ZNF248: variants seen among roughly 807,000 people sequenced by gnomAD.
The protein encoded by ZNF248 is zinc finger protein 248.
ZNF248 carries 20 observed loss-of-function variants against 44.3 expected under a neutral mutation model. The ratio of observed to expected loss-of-function variants is 0.45; its 90% CI spans 0.32 to 0.66. The LOEUF (loss-of-function observed/expected upper bound fraction) is 0.66. Ranked by LOEUF, ZNF248 falls within the 30% of genes least tolerant of loss-of-function variation. The pLI is 0.04. For synonymous variants in ZNF248, 224 were observed against 229.0 expected, an observed-to-expected ratio of 0.98 and a Z score of 0.20; for missense variants, 654 against 677.0, an observed-to-expected ratio of 0.97 and a Z score of 0.38.
At chr10:37,787,888 T>C (rs1208777) in intron 6 of ZNF248, among the ~76,000 whole-genome samples, 9,138 of 152,258 alleles carry the variant, frequency 0.06, 354 homozygotes, top group Middle Eastern at 0.095. Flanking sequence ...AAAGATAACA[T>C]TGAGACAATG....
chr10:37,843,812 C>A (rs771217859), intron 3 of ZNF248, among the ~76,000 whole-genome samples: 12 of 151,848 alleles, frequency 7.9e-5, no homozygotes, highest in Non-Finnish European at 1.2e-4. Flanking sequence ...GAACAGACAG[C>A]TGAAAGAATC....
chr10:37,774,844 A>C (rs770513504), downstream of ZNF248, among the ~76,000 whole-genome samples: 6 of 152,126 alleles, frequency 3.9e-5, no homozygotes, highest in Non-Finnish European at 7.4e-5. Flanking sequence ...GCAGTGGCAC[A>C]ATCTCAGCTC....
At chr10:37,853,352 A>G (rs1424873894) in intron 3 of ZNF248, among the ~76,000 whole-genome samples, 2 of 152,094 alleles carry the variant, frequency 1.3e-5, no homozygotes, top group Non-Finnish European at 2.9e-5. Flanking sequence ...GACAAAAACA[A>G]CAACAATCCA....
chr10:37,856,357 G>C lies in ZNF248; in HGVS notation c.-27-20C>G. Reference sequence around the variant, plus strand: ...GGAGAGCTGAAGGATTAGAAAGGAAGAATGTCAGGAGAGCCTTCGCCGGCC... The same window carrying C: ...GGAGAGCTGAAGGATTAGAAAGGAACAATGTCAGGAGAGCCTTCGCCGGCC... On this transcript the variant is annotated intron_variant, in intron 2 of 5. Transcript: ENST00000395867. 6.2e-7 allele frequency: 1 copy of C among 1,612,928 alleles called. No homozygotes were observed. The highest frequency in any genetic ancestry group is 1.7e-5 in the Admixed American group (1 of 59,770).
At chr10:37,826,341 C>T (rs541350743), downstream of ZNF248, among the ~76,000 whole-genome samples, 103 of 152,264 alleles carry the variant, frequency 6.8e-4, 1 homozygote, top group African/African-American at 1.5e-3. Context: ...AGAGTGTAAC[C>T]GTATGACTTC....
chr10:37,767,839 TAA>T, the ZNF248 span, among the ~76,000 whole-genome samples: 1 of 152,002 alleles, frequency 6.6e-6, no homozygotes, highest in Non-Finnish European at 1.5e-5. Flanking sequence ...GCAAATTGGA[TAA>T]AGAGTCAAGA....
At chr10:37,768,807 C>A in the ZNF248 span, among the ~76,000 whole-genome samples, 10 of 152,062 alleles carry the variant, frequency 6.6e-5, no homozygotes, top group African/African-American at 2.2e-4. Context: ...CATAAAAAAC[C>A]CTTCAAAAAA....
At chr10:37,851,065 A>G (rs1412715903) in intron 3 of ZNF248, among the ~76,000 whole-genome samples, 5 of 152,204 alleles carry the variant, frequency 3.3e-5, no homozygotes, top group African/African-American at 9.6e-5. Flanking sequence ...TACTATCTAG[A>G]AAATTTAAAA....
intron 6 of ZNF248, among the ~76,000 whole-genome samples, chr10:37,790,708 CTAAATAAATAAA>C (rs149151524): frequency 1.4e-5 from 2 of 147,592 alleles, no homozygotes; most frequent in Non-Finnish European, 3.0e-5. Context: ...GGCTCCGTCT[CTAAATAAATAAA>C]TAAATAAATA....
intron 6 of ZNF248, among the ~76,000 whole-genome samples, chr10:37,807,756 T>C (rs992043498): frequency 1.3e-5 from 2 of 152,226 alleles, no homozygotes; most frequent in Admixed American, 1.3e-4. Flanking sequence ...TGTATTCTGC[T>C]CCTTTGCTGA....
the ZNF248 span, among the ~76,000 whole-genome samples, chr10:37,770,279 A>C: frequency 6.6e-6 from 1 of 151,912 alleles, no homozygotes; most frequent in African/African-American, 2.4e-5. Context: ...ACTACTTTAA[A>C]GTTCATATGG....
Position 37,831,431 on chromosome 10 carries a change from T to A in ZNF248, c.*184A>T. 6.7e-7 allele frequency: 1 copy of A among 1,491,548 alleles called. No homozygotes were observed. Among genetic ancestry groups the A allele is most frequent in the Non-Finnish European group, 8.9e-7 (1 of 1,121,930 alleles). 92.4% of individuals were successfully genotyped at this position (1,491,548 alleles called of 1,614,324 possible). ...CAGATAAATATTTTCACCATATTAC[T>A]TAGATGAATAGAATTCCCCTCAGTA... On this transcript the variant is annotated 3_prime_UTR_variant, in exon 6 of 6. Transcript: ENST00000395867.
Position 37,856,434 on chromosome 10 carries a change from CGT to C in ZNF248, c.-29_-28del. On this transcript the variant is annotated splice_region_variant and 5_prime_UTR_variant, in exon 2 of 6. Coordinates refer to ENST00000395867, the MANE Select transcript of ZNF248 (RefSeq NM_021045.3). ...TACAGGTCCACACACAAGATACTTACGTGTCCATGTGTGGCTCCGATATATGC... is the reference window on the plus strand; with the variant it reads ...TACAGGTCCACACACAAGATACTTACGTCCATGTGTGGCTCCGATATATGC... The C allele has an allele frequency of 6.7e-7, 1 of 1,493,878 alleles. No homozygotes were observed. The highest frequency in any genetic ancestry group is 1.4e-5 in the South Asian group (1 of 72,320). The allele number at this position is 1,493,878 out of a possible 1,614,324, so 92.5% of individuals were successfully genotyped here.
chr10:37,824,869 T>TC, downstream of ZNF248, among the ~76,000 whole-genome samples: 1 of 146,652 alleles, frequency 6.8e-6, no homozygotes, highest in Non-Finnish European at 1.5e-5. Context: ...TTTTTTTTTT[T>TC]AGTAGAGACG....
At chr10:37,823,264 G>A (rs963113091) in intron 6 of ZNF248, among the ~76,000 whole-genome samples, 3 of 148,692 alleles carry the variant, frequency 2.0e-5, no homozygotes, top group African/African-American at 7.5e-5. Context: ...AACCTGGGAG[G>A]CGGAGGTTGC....
At chr10:37,821,087 G>A (rs990071545) in intron 6 of ZNF248, 1 of 638,366 alleles carries the variant, frequency 1.6e-6, no homozygotes, top group Non-Finnish European at 2.7e-6. Context: ...TAGGTCTACA[G>A]AGGTCCTCAT....
downstream of ZNF248, among the ~76,000 whole-genome samples, chr10:37,771,626 G>T (rs1308664288): frequency 6.9e-6 from 1 of 145,062 alleles, no homozygotes; most frequent in Non-Finnish European, 1.5e-5. Context: ...GACTGTTGTG[G>T]GGTGGAGGGA....
intron 5 of ZNF248, 82 bp downstream of exon 5, chr10:37,837,535 A>T (rs2057473003): frequency 2.6e-5 from 31 of 1,170,040 alleles, no homozygotes. Context: ...TGTGAAAAAT[A>T]TTCCAAAGGT....
At chr10:37,790,982 G>C (rs532549524) in intron 6 of ZNF248, among the ~76,000 whole-genome samples, 35 of 138,470 alleles carry the variant, frequency 2.5e-4, no homozygotes, top group Non-Finnish European at 4.5e-4. Context: ...CAACAGTCAA[G>C]TTCCCACCTT....
Sources: gnomAD v4.1 joint callset for allele counts (sites outside exome capture counted in the v4.1 genomes callset) on GRCh38, gnomAD v4.1.1 for gene constraint, MANE v1.5 for transcripts, NCBI Gene and HGNC (gene_info 2026-07-23, HGNC 2026-07-21) for gene names.